Variants in FHIT observed in about 807,000 individuals in gnomAD.
FHIT encodes fragile histidine triad diadenosine triphosphatase, also known as bis(5'-adenosyl)-triphosphatase.
A neutral mutation model predicts 17.9 loss-of-function variants in FHIT; 19 were observed. The observed-to-expected ratio is 1.06, with a 90% CI of 0.74 to 1.56. FHIT has a LOEUF of 1.56. Ranked by LOEUF, FHIT falls within the 40% of genes most tolerant of loss-of-function variation. The pLI is 0.00. For missense variants in FHIT, 248 were observed against 189.2 expected (o/e 1.31, Z -1.82); for synonymous variants, 81 against 69.7 (o/e 1.16, Z -0.81).
At chr3:60,607,777 T>C (rs538754807) in intron 4 of FHIT, among the ~76,000 whole-genome samples, 2 of 152,260 alleles carry the variant, frequency 1.3e-5, no homozygotes, top group East Asian at 3.9e-4. Context: ...TATACATATA[T>C]ACACACATAT....
At chr3:61,123,301 T>C (rs1444230285) in intron 2 of FHIT, among the ~76,000 whole-genome samples, 2 of 151,990 alleles carry the variant, frequency 1.3e-5, no homozygotes, top group Admixed American at 1.3e-4. Flanking sequence ...AATTGAACAA[T>C]GAGAACACAT....
chr3:61,128,189 C>T (rs1460115695), intron 2 of FHIT, among the ~76,000 whole-genome samples: 9 of 152,016 alleles, frequency 5.9e-5, no homozygotes, highest in Non-Finnish European at 7.4e-5. Flanking sequence ...GAGATAAACT[C>T]CAGCTGAAAA....
At chr3:60,799,044 A>G (rs1701093577) in intron 4 of FHIT, among the ~76,000 whole-genome samples, 1 of 152,132 alleles carries the variant, frequency 6.6e-6, no homozygotes, top group Non-Finnish European at 1.5e-5. Context: ...CTCTATATCT[A>G]TTCTTGCCCT....
chr3:61,211,340 C>G (rs116375594), intron 1 of FHIT, among the ~76,000 whole-genome samples: 5,536 of 152,252 alleles, frequency 0.036, 123 homozygotes, highest in Admixed American at 0.066. Flanking sequence ...AAACGGCGCA[C>G]CAGAAGATTA....
intron 4 of FHIT, among the ~76,000 whole-genome samples, chr3:60,637,902 T>C (rs1417174609): frequency 6.6e-5 from 10 of 152,068 alleles, no homozygotes; most frequent in Non-Finnish European, 1.5e-4. Context: ...CTCCAGGAAA[T>C]AGACATGATG....
At chr3:60,732,153 C>G (rs138576694) in intron 4 of FHIT, 2 of 781,300 alleles carry the variant, frequency 2.6e-6, no homozygotes, top group African/African-American at 3.4e-5. Flanking sequence ...CTTAGTAGAG[C>G]TGTCCACAGT....
intron 5 of FHIT, among the ~76,000 whole-genome samples, chr3:60,063,252 G>T (rs1576008945): frequency 6.6e-6 from 1 of 152,218 alleles, no homozygotes; most frequent in East Asian, 1.9e-4. Flanking sequence ...CTGACATCTG[G>T]TCTACAAGAT....
At chr3:60,600,349 T>A (rs979052980) in intron 4 of FHIT, among the ~76,000 whole-genome samples, 2 of 41,228 alleles carry the variant, frequency 4.9e-5, no homozygotes, top group African/African-American at 3.0e-4. Flanking sequence ...GCAAAAATAA[T>A]TGTTTTCATT....
intron 8 of FHIT, among the ~76,000 whole-genome samples, chr3:59,778,776 G>A (rs984123407): frequency 6.6e-6 from 1 of 152,076 alleles, no homozygotes; most frequent in African/African-American, 2.4e-5. Flanking sequence ...GAACCTTAAG[G>A]GTCTTGTGGA....
At chr3:60,883,356 T>G (rs28873069) in intron 3 of FHIT, among the ~76,000 whole-genome samples, 3,105 of 152,166 alleles carry the variant, frequency 0.02, 92 homozygotes, top group African/African-American at 0.071. Context: ...TTCACAGGAT[T>G]AGAAAAAATC....
At chr3:61,021,328 G>A (rs1397522564) in intron 3 of FHIT, among the ~76,000 whole-genome samples, 11 of 152,008 alleles carry the variant, frequency 7.2e-5, no homozygotes, top group Admixed American at 3.3e-4. Context: ...GGCCGGGCGC[G>A]GTGGCTCACG....
intron 4 of FHIT, among the ~76,000 whole-genome samples, chr3:60,560,141 C>T (rs2107641763): frequency 6.6e-6 from 1 of 152,134 alleles, no homozygotes; most frequent in East Asian, 1.9e-4. Flanking sequence ...ATTGTAGGTT[C>T]CATTTGGGGG....
chr3:60,719,442 C>A (rs1559667760), intron 4 of FHIT, among the ~76,000 whole-genome samples: 1 of 152,188 alleles, frequency 6.6e-6, no homozygotes, highest in Non-Finnish European at 1.5e-5. Flanking sequence ...TGCTGTATAA[C>A]TCTCCATCTT....
chr3:61,132,936 G>T (rs2036807665), intron 2 of FHIT, among the ~76,000 whole-genome samples: 1 of 152,192 alleles, frequency 6.6e-6, no homozygotes, highest in Non-Finnish European at 1.5e-5. Flanking sequence ...GGGGTGTAGG[G>T]AGTAGAAGCA....
chr3:60,762,573 T>C (rs1699695561), intron 4 of FHIT, among the ~76,000 whole-genome samples: 1 of 152,204 alleles, frequency 6.6e-6, no homozygotes, highest in Non-Finnish European at 1.5e-5. Flanking sequence ...AGCCCCTCCT[T>C]GGTCTAGCAG....
chr3:60,495,628 A>G (rs1433572311), intron 5 of FHIT, among the ~76,000 whole-genome samples: 11 of 152,190 alleles, frequency 7.2e-5, no homozygotes, highest in Non-Finnish European at 1.6e-4. Context: ...GGGGATATCC[A>G]ACAGCATCAG....
At chr3:61,101,158 C>T (rs61018885) in intron 2 of FHIT, among the ~76,000 whole-genome samples, 7,978 of 152,176 alleles carry the variant, frequency 0.052, 693 homozygotes, top group African/African-American at 0.18. Context: ...TGAATACTAT[C>T]GCCTAGGTTT....
chr3:61,227,659 G>A (rs926091428), intron 1 of FHIT, among the ~76,000 whole-genome samples: 16 of 152,140 alleles, frequency 1.1e-4, no homozygotes, highest in African/African-American at 3.1e-4. Flanking sequence ...CTAATATTTG[G>A]TCATGAAAAT....
At chr3:60,370,222 AC>A (rs11298083) in intron 5 of FHIT, among the ~76,000 whole-genome samples, 152,349 of 152,350 alleles carry the variant, frequency 1, 76,174 homozygotes, top group Non-Finnish European at 1. Context: ...ATTCATAAAT[AC>A]ACTTTATGTT....
Sources: gnomAD v4.1 joint callset for allele counts (sites outside exome capture counted in the v4.1 genomes callset) on GRCh38, gnomAD v4.1.1 for gene constraint, MANE v1.5 for transcripts, NCBI Gene and HGNC (gene_info 2026-07-23, HGNC 2026-07-21) for gene names.